GRIA4: variants seen among roughly 807,000 people sequenced by gnomAD.
GRIA4 encodes glutamate receptor 4.
Under a neutral mutation model 104.0 loss-of-function variants are expected in GRIA4, and 34 were observed. The ratio of observed to expected loss-of-function variants is 0.33; its 90% confidence interval spans 0.25 to 0.44. GRIA4 has a LOEUF of 0.44. Among genes scored for constraint, GRIA4 ranks in the 20% least tolerant of loss-of-function variants. The pLI, the probability that GRIA4 is intolerant of heterozygous loss-of-function variation, is 1.00. For missense variants in GRIA4, 750 were observed against 1,096.5 expected (o/e 0.68, Z 4.46); for synonymous variants, 386 against 381.9 (o/e 1.01, Z -0.13).
chr11:105,836,359 T>G (rs1944185589), intron 4 of GRIA4, among the ~76,000 whole-genome samples: 1 of 152,088 alleles, frequency 6.6e-6, no homozygotes, highest in Non-Finnish European at 1.5e-5. Flanking sequence ...TAGAGAAGCT[T>G]TCATTTTGAG....
intron 4 of GRIA4, among the ~76,000 whole-genome samples, chr11:105,819,486 T>C (rs1424302358): frequency 6.6e-6 from 1 of 152,152 alleles, no homozygotes; most frequent in Non-Finnish European, 1.5e-5. Flanking sequence ...AAATTATACT[T>C]TCTTACTGAA....
intron 3 of GRIA4, among the ~76,000 whole-genome samples, chr11:105,714,624 C>A (rs553626313): frequency 2.8e-3 from 422 of 152,084 alleles, no homozygotes; most frequent in Middle Eastern, 0.01. Context: ...GATATATTTT[C>A]AAATAATTAT....
intron 14 of GRIA4, chr11:105,945,452 T>G (rs553185939): frequency 1.1e-6 from 1 of 907,602 alleles, no homozygotes; most frequent in African/African-American, 1.8e-5. Flanking sequence ...CTTTGGGTAT[T>G]TCTCCCCTAG....
chr11:105,930,491 T>C (rs1947840997), intron 13 of GRIA4, among the ~76,000 whole-genome samples: 1 of 152,154 alleles, frequency 6.6e-6, no homozygotes, highest in Non-Finnish European at 1.5e-5. Context: ...TTATTTTGCA[T>C]TTAAGGTATA....
At chr11:105,861,225 C>G (rs1425504673) in intron 4 of GRIA4, among the ~76,000 whole-genome samples, 9 of 152,148 alleles carry the variant, frequency 5.9e-5, no homozygotes, top group Admixed American at 5.9e-4. Context: ...CTTGCACGCT[C>G]CTTCTCAACC....
intron 4 of GRIA4, among the ~76,000 whole-genome samples, chr11:105,793,463 T>C (rs1942309597): frequency 6.6e-6 from 1 of 152,184 alleles, no homozygotes; most frequent in Non-Finnish European, 1.5e-5. Context: ...GCAGGGACTA[T>C]TAAAAATGCA....
chr11:105,616,875 TTC>T (rs1166867594), intron 3 of GRIA4, among the ~76,000 whole-genome samples: 2 of 151,746 alleles, frequency 1.3e-5, no homozygotes, highest in South Asian at 2.1e-4. Flanking sequence ...TTTATATTTT[TTC>T]TCTCTTACCT....
chr11:105,915,761 G>T (rs1020243801), intron 10 of GRIA4, among the ~76,000 whole-genome samples: 1 of 152,086 alleles, frequency 6.6e-6, no homozygotes, highest in African/African-American at 2.4e-5. Context: ...CTCAATTAAT[G>T]ATATATATTT....
At chr11:105,804,354 GCACACA>G (rs35265620) in intron 4 of GRIA4, among the ~76,000 whole-genome samples, 1 of 147,890 alleles carries the variant, frequency 6.8e-6, no homozygotes, top group Admixed American at 6.8e-5. Context: ...AAACACACAT[GCACACA>G]CACACACACA....
intron 3 of GRIA4, among the ~76,000 whole-genome samples, chr11:105,617,601 T>C (rs1489409087): frequency 1.3e-5 from 2 of 152,098 alleles, no homozygotes; most frequent in East Asian, 3.9e-4. Context: ...GGCAAGACAG[T>C]TCTGGGCAAC....
rs544300133 is a variant in GRIA4 at position 105,941,142 on chromosome 11, G to T, written c.2294+7173G>T. Among the ~76,000 whole-genome samples the T allele has an allele frequency of 2.0e-5, 3 of 152,154 alleles. No individual in the cohort carries two copies. The South Asian group carries it at 6.2e-4, about 32-fold the overall frequency. ...CCTTCTCAGAAACAAGCATTATGTTGGTTATGAGAAGATTTTGTAAATAAT... is the reference window on the plus strand; with the variant it reads ...CCTTCTCAGAAACAAGCATTATGTTTGTTATGAGAAGATTTTGTAAATAAT... On this transcript the variant is annotated intron_variant, in intron 14 of 16. Transcript: ENST00000282499.
intron 10 of GRIA4, chr11:105,913,221 A>G: frequency 2.7e-6 from 1 of 373,844 alleles, no homozygotes; most frequent in Non-Finnish European, 3.7e-6. Context: ...TAGTATATTG[A>G]GAGAAAGCAG....
rs1941354254 is a variant in GRIA4 at position 105,774,236 on chromosome 11, T to C, written c.487+21016T>C. ...AAAAGAGCTTGAGGCAAAGAGGAAA[T>C]CAAAAATTTAATATAAAACTATTTA... On this transcript the variant is annotated intron_variant, in intron 4 of 16. Coordinates refer to ENST00000282499, the MANE Select transcript of GRIA4 (RefSeq NM_000829.4). Among the ~76,000 whole-genome samples the C allele has an allele frequency of 4.6e-5, 7 of 151,154 alleles. No individual in the cohort carries two copies. In the South Asian group the frequency reaches 1.5e-3, roughly 31 times the overall value.
intron 4 of GRIA4, among the ~76,000 whole-genome samples, chr11:105,771,407 T>C (rs1225240397): frequency 6.6e-6 from 1 of 152,130 alleles, no homozygotes; most frequent in Non-Finnish European, 1.5e-5. Context: ...AACTCTGCTC[T>C]GTCAACATTC....
chr11:105,667,330 T>G lies in GRIA4; in HGVS notation c.247+54896T>G, dbSNP rs556674174. On this transcript the variant is annotated intron_variant, in intron 3 of 16. Transcript: ENST00000282499. ...GATGATAACTAAAAAAGTTACTGGATGCCTAGAAATTAAAAGGCCCAAAGG... is the reference window on the plus strand; with the variant it reads ...GATGATAACTAAAAAAGTTACTGGAGGCCTAGAAATTAAAAGGCCCAAAGG... Among the ~76,000 whole-genome samples the G allele has an allele frequency of 5.3e-5, 8 of 152,062 alleles. No homozygotes were observed. In the South Asian group the frequency reaches 1.7e-3, roughly 32 times the overall value.
chr11:105,891,654 G>C (rs1946458659), intron 6 of GRIA4, among the ~76,000 whole-genome samples: 1 of 152,114 alleles, frequency 6.6e-6, no homozygotes, highest in Non-Finnish European at 1.5e-5. Context: ...ATTACGTCTA[G>C]AAAGCTATCC....
At chr11:105,794,402 T>TAC (rs1418737566) in intron 4 of GRIA4, among the ~76,000 whole-genome samples, 1 of 144,808 alleles carries the variant, frequency 6.9e-6, no homozygotes, top group East Asian at 2.1e-4. Context: ...CTGGTGTATA[T>TAC]ACACACATAT....
chr11:105,885,009 C>T (rs1317859286), intron 5 of GRIA4, among the ~76,000 whole-genome samples: 1 of 152,046 alleles, frequency 6.6e-6, no homozygotes, highest in Non-Finnish European at 1.5e-5. Context: ...TGCAAAATGG[C>T]TTAAATAGCC....
intron 3 of GRIA4, among the ~76,000 whole-genome samples, chr11:105,693,679 T>C (rs1414807837): frequency 6.6e-6 from 1 of 152,170 alleles, no homozygotes; most frequent in East Asian, 1.9e-4. Context: ...ATTTCTTTCT[T>C]TCCTTCCTAA....
Sources: allele counts gnomAD v4.1 joint callset (sites outside exome capture counted in the v4.1 genomes callset), GRCh38; gene constraint gnomAD v4.1.1; transcripts MANE v1.5; gene names NCBI Gene and HGNC (gene_info 2026-07-23, HGNC 2026-07-21).